LARGE1: variants seen among roughly 807,000 people sequenced by gnomAD.
LARGE1 encodes LARGE xylosyl- and glucuronyltransferase 1, also known as xylosyl- and glucuronyltransferase LARGE1.
LARGE1 carries 43 observed loss-of-function variants against 87.6 expected under a neutral mutation model. The ratio of observed to expected loss-of-function variants is 0.49; its 90% CI spans 0.38 to 0.63. LARGE1 has a LOEUF of 0.63. Ranked by LOEUF, LARGE1 falls within the 30% of genes least tolerant of loss-of-function variation. The probability of loss-of-function intolerance (pLI) is 0.00; values close to 1 mark genes in which losing one functional copy is unlikely to be tolerated. For missense variants in LARGE1, 802 were observed against 1,000.2 expected (o/e 0.80, Z 2.67); for synonymous variants, 434 against 394.6 (o/e 1.10, Z -1.18).
rs750391078 is a variant in LARGE1 at position 33,475,191 on chromosome 22, G to T, written c.788-42926C>A. Among the ~76,000 whole-genome samples, 3 of 151,992 alleles carry T rather than the reference G, an allele frequency of 2.0e-5. No homozygotes were observed. In the South Asian group the frequency reaches 6.2e-4, roughly 32 times the overall value. On this transcript the variant is annotated intron_variant, in intron 6 of 14. Transcript: ENST00000397394. Reference sequence around the variant, plus strand: ...ATCCCATATAGAAGATGAATACTGGGGTGGGACTACCAGGGTTTGAATCTC... The same window carrying T: ...ATCCCATATAGAAGATGAATACTGGTGTGGGACTACCAGGGTTTGAATCTC...
intron 7 of LARGE1, among the ~76,000 whole-genome samples, chr22:33,387,557 T>C (rs2065374042): frequency 7.2e-6 from 1 of 139,570 alleles, no homozygotes; most frequent in Non-Finnish European, 1.5e-5. Context: ...CTAGAAACAA[T>C]GATGAAATAT....
intron 1 of LARGE1, among the ~76,000 whole-genome samples, chr22:33,885,415 C>T (rs976421303): frequency 2.0e-5 from 3 of 152,110 alleles, no homozygotes; most frequent in African/African-American, 7.2e-5. Flanking sequence ...CGTGAAGTCC[C>T]GAGCCCCAAG....
At chr22:33,309,408 T>G (rs1167368937) in intron 11 of LARGE1, among the ~76,000 whole-genome samples, 1 of 152,090 alleles carries the variant, frequency 6.6e-6, no homozygotes, top group Admixed American at 6.5e-5. Flanking sequence ...CTCAGGTGAT[T>G]TGACTGCCTT....
intron 1 of LARGE1, among the ~76,000 whole-genome samples, chr22:33,906,099 C>T (rs915919561): frequency 2.6e-5 from 4 of 151,888 alleles, no homozygotes; most frequent in Admixed American, 6.6e-5. Context: ...CACTGCACTC[C>T]GGCCTGGGCA....
At chr22:33,715,732 A>G (rs1603228876) in intron 2 of LARGE1, among the ~76,000 whole-genome samples, 2 of 152,250 alleles carry the variant, frequency 1.3e-5, no homozygotes, top group East Asian at 3.9e-4. Flanking sequence ...CAAACAACAC[A>G]TGGCAAGGAC....
chr22:33,611,247 C>T (rs2079419491), intron 4 of LARGE1, among the ~76,000 whole-genome samples: 1 of 1,798 alleles, frequency 5.6e-4, no homozygotes, highest in South Asian at 0.083. Context: ...GCGATGTGCA[C>T]CTTTGTGCTT....
chr22:33,364,940 C>A (rs1440281636), intron 9 of LARGE1, among the ~76,000 whole-genome samples: 5 of 152,168 alleles, frequency 3.3e-5, no homozygotes, highest in Non-Finnish European at 7.3e-5. Context: ...AAGCAATCCA[C>A]CTGCCTCAGC....
At chr22:33,411,327 T>C (rs1335609231) in intron 7 of LARGE1, among the ~76,000 whole-genome samples, 1 of 152,240 alleles carries the variant, frequency 6.6e-6, no homozygotes, top group Non-Finnish European at 1.5e-5. Flanking sequence ...CAACGATCCA[T>C]GGCTTCAAAC....
intron 6 of LARGE1, among the ~76,000 whole-genome samples, chr22:33,560,963 C>T (rs867067002): frequency 7.2e-5 from 11 of 152,034 alleles, no homozygotes; most frequent in East Asian, 1.9e-4. Flanking sequence ...TACAGGCGTC[C>T]GCCACCACGC....
At chr22:33,389,762 T>A (rs1387578696) in intron 7 of LARGE1, among the ~76,000 whole-genome samples, 3 of 152,124 alleles carry the variant, frequency 2.0e-5, no homozygotes, top group Non-Finnish European at 4.4e-5. Context: ...GGAGAATCAC[T>A]TGAACCTGGG....
chr22:33,584,220 G>A (rs1203417761), intron 5 of LARGE1, among the ~76,000 whole-genome samples: 2 of 152,120 alleles, frequency 1.3e-5, no homozygotes, highest in Non-Finnish European at 2.9e-5. Context: ...TCTCTTCTTT[G>A]GGCAACGAAA....
chr22:33,145,263 C>T, the LARGE1 span, among the ~76,000 whole-genome samples: 2 of 152,000 alleles, frequency 1.3e-5, no homozygotes, highest in Non-Finnish European at 2.9e-5. Flanking sequence ...TGAGATATGC[C>T]CACCCCTACC....
At chr22:33,094,669 G>A in the LARGE1 span, among the ~76,000 whole-genome samples, 6 of 150,268 alleles carry the variant, frequency 4.0e-5, no homozygotes, top group Non-Finnish European at 8.8e-5. Context: ...CCTCATTTAC[G>A]AGATTCCTTC....
chr22:33,791,371 C>A (rs932552233), intron 1 of LARGE1, among the ~76,000 whole-genome samples: 6 of 152,164 alleles, frequency 3.9e-5, no homozygotes, highest in African/African-American at 1.4e-4. Context: ...CTCTTCTGCA[C>A]AACTCAGTAA....
In LARGE1 at chr22:33,207,043, T is replaced by C. The variant is rs144704374; in HGVS notation, c.1731-40211A>G. ...TCTCCTTCATTATGGGAAATAGACT[T>C]GTTGGTGATACTGGAAGCTAGTGCC... On this transcript the variant is annotated intron_variant, in intron 11 of 11. Coordinates refer to the LARGE1 transcript ENST00000608642. Among the ~76,000 whole-genome samples, 644 of 152,286 alleles carry C rather than the reference T, an allele frequency of 4.2e-3. 4 individuals are homozygous for C. Among genetic ancestry groups the C allele is most frequent in the African/African-American group, 0.015 (607 of 41,546 alleles).
intron 6 of LARGE1, among the ~76,000 whole-genome samples, chr22:33,548,382 C>G (rs893453915): frequency 6.6e-6 from 1 of 151,790 alleles, no homozygotes; most frequent in Non-Finnish European, 1.5e-5. Context: ...CCAATTAAAT[C>G]TCTTTTCATA....
chr22:33,768,519 T>C (rs1320798464), intron 1 of LARGE1, among the ~76,000 whole-genome samples: 1 of 151,980 alleles, frequency 6.6e-6, no homozygotes, highest in Non-Finnish European at 1.5e-5. Context: ...CTCTGGGACC[T>C]CAATAGAATC....
intron 11 of LARGE1, among the ~76,000 whole-genome samples, chr22:33,247,207 T>C (rs887097056): frequency 6.6e-6 from 1 of 152,104 alleles, no homozygotes; most frequent in Non-Finnish European, 1.5e-5. Context: ...TTAAAAAAAG[T>C]GAGGCATAAA....
At chr22:33,479,661 C>A (rs1184747980) in intron 6 of LARGE1, among the ~76,000 whole-genome samples, 1 of 151,994 alleles carries the variant, frequency 6.6e-6, no homozygotes, top group Non-Finnish European at 1.5e-5. Flanking sequence ...ACTTCCTGAT[C>A]TGTTTGTTCC....
Sources: gnomAD v4.1 joint callset for allele counts (sites outside exome capture counted in the v4.1 genomes callset) on GRCh38, gnomAD v4.1.1 for gene constraint, MANE v1.5 for transcripts, NCBI Gene and HGNC (gene_info 2026-07-23, HGNC 2026-07-21) for gene names.